Variants in ANO3 observed in about 807,000 individuals in gnomAD.
ANO3 encodes the protein anoctamin 3.
ANO3 carries 99 observed loss-of-function variants against 144.8 expected under a neutral mutation model. That is an observed-to-expected ratio of 0.68 (90% CI 0.58 to 0.81). The LOEUF is 0.81. Among genes scored for constraint, ANO3 ranks in the 30% least tolerant of loss-of-function variants. ANO3 has a pLI of 0.00. For synonymous variants in ANO3, 414 were observed against 392.6 expected, an observed-to-expected ratio of 1.05 and a Z score of -0.64; for missense variants, 905 against 1,202.2, an observed-to-expected ratio of 0.75 and a Z score of 3.66.
chr11:26,456,312 C>T (rs1284754478), intron 3 of ANO3, among the ~76,000 whole-genome samples: 2 of 152,092 alleles, frequency 1.3e-5, no homozygotes, highest in East Asian at 1.9e-4. Flanking sequence ...ACAAAATTTT[C>T]ACAACCTCCT....
chr11:26,577,540 G>T (rs1457347074), intron 14 of ANO3, among the ~76,000 whole-genome samples: 1 of 145,700 alleles, frequency 6.9e-6, no homozygotes, highest in South Asian at 2.3e-4. Context: ...CTCCAGCCTG[G>T]GCAACAAGAG....
At chr11:26,268,430 G>A (rs1408436885) in intron 1 of ANO3, among the ~76,000 whole-genome samples, 1 of 152,046 alleles carries the variant, frequency 6.6e-6, no homozygotes, top group Non-Finnish European at 1.5e-5. Context: ...ACAGCCCCTC[G>A]GGGGTTTGAT....
At chr11:26,233,089 C>T (rs369818792) in intron 1 of ANO3, among the ~76,000 whole-genome samples, 76 of 151,894 alleles carry the variant, frequency 5.0e-4, no homozygotes, top group Admixed American at 1.6e-3. Flanking sequence ...TGGTGGCGGG[C>T]GCCTGTAGTC....
chr11:26,501,180 T>C (rs1220559418), intron 4 of ANO3, among the ~76,000 whole-genome samples: 1 of 152,070 alleles, frequency 6.6e-6, no homozygotes, highest in African/African-American at 2.4e-5. Context: ...GCCACCCAAA[T>C]TATGGAGGAG....
At position 26,563,395 on chromosome 11, in the gene ANO3, C is replaced by CTCTG. The variant is rs371195680; in HGVS notation, c.1447+3617_1447+3618insCTGT. 3.4e-3 allele frequency: 1,824 copies of CTCTG among 539,892 alleles called. 5 individuals are homozygous for CTCTG. The highest frequency in any genetic ancestry group is 4.9e-3 in the East Asian group (138 of 27,888). 33.4% of individuals were successfully genotyped at this position (539,892 alleles called of 1,614,324 possible). A position where few individuals can be genotyped will look rare whatever the true frequency, so the allele number is the denominator to read the frequency against. On this transcript the variant is annotated intron_variant, in intron 14 of 26. Transcript: ENST00000256737. ...ATTAGATAATGGTGTGTTTCTCTCT[C>CTCTG]TGTGTGTGTGTGTGTGTGTGTGTGT... is the stretch of plus-strand genomic sequence containing the variant.
intron 1 of ANO3, among the ~76,000 whole-genome samples, chr11:26,434,893 T>C (rs760382271): frequency 6.6e-6 from 1 of 152,118 alleles, no homozygotes. Flanking sequence ...AGAATGTACA[T>C]TCTGTTGTTT....
At chr11:26,632,476 A>G (rs1034025603) in intron 18 of ANO3, among the ~76,000 whole-genome samples, 2 of 149,204 alleles carry the variant, frequency 1.3e-5, no homozygotes, top group African/African-American at 4.9e-5. Context: ...AGATTGTGCC[A>G]TTGTAGTCCA....
chr11:26,293,200 T>G (rs1854000024), intron 1 of ANO3, among the ~76,000 whole-genome samples: 1 of 152,178 alleles, frequency 6.6e-6, no homozygotes, highest in Non-Finnish European at 1.5e-5. Context: ...GATGAAAACA[T>G]TATTGTGAGT....
chr11:26,632,405 A>G (rs1852812361), intron 18 of ANO3, among the ~76,000 whole-genome samples: 2 of 150,694 alleles, frequency 1.3e-5, no homozygotes, highest in African/African-American at 4.9e-5. Context: ...AATCCCAGCT[A>G]CTCAGGAGGC....
At chr11:26,482,629 A>C (rs953926497) in intron 4 of ANO3, among the ~76,000 whole-genome samples, 1 of 152,150 alleles carries the variant, frequency 6.6e-6, no homozygotes, top group Non-Finnish European at 1.5e-5. Context: ...ATTTGTATAG[A>C]TTTAAGGGGT....
At chr11:26,639,775 A>G (rs978911323) in intron 21 of ANO3, among the ~76,000 whole-genome samples, 2 of 152,154 alleles carry the variant, frequency 1.3e-5, no homozygotes, top group Non-Finnish European at 2.9e-5. Context: ...ATTATTTTAG[A>G]TGTTTTAGCT....
chr11:26,589,040 T>C (rs938026284), intron 14 of ANO3, among the ~76,000 whole-genome samples: 2 of 152,166 alleles, frequency 1.3e-5, no homozygotes, highest in Non-Finnish European at 2.9e-5. Context: ...ATGGTAGTCC[T>C]GGGGAAAAAA....
At chr11:26,491,585 C>A (rs1860710693) in intron 4 of ANO3, among the ~76,000 whole-genome samples, 1 of 152,134 alleles carries the variant, frequency 6.6e-6, no homozygotes, top group Admixed American at 6.5e-5. Context: ...GGCTTCATAC[C>A]AGGAGGCCAC....
intron 6 of ANO3, among the ~76,000 whole-genome samples, chr11:26,518,519 C>A (rs1387435711): frequency 6.6e-6 from 1 of 151,816 alleles, no homozygotes; most frequent in Non-Finnish European, 1.5e-5. Flanking sequence ...TTCTGAAATT[C>A]AATTTGAAAA....
At chr11:26,325,776 C>G (rs1243107673) in intron 1 of ANO3, among the ~76,000 whole-genome samples, 1 of 152,080 alleles carries the variant, frequency 6.6e-6, no homozygotes, top group Admixed American at 6.6e-5. Flanking sequence ...AGGAATAACC[C>G]CTGGTCAAAC....
intron 10 of ANO3, 79 bp from the exon 11 acceptor site, chr11:26,541,868 C>A (rs1849653575): frequency 7.5e-7 from 1 of 1,329,208 alleles, no homozygotes; most frequent in Non-Finnish European, 1.0e-6. Context: ...AATTATTCTG[C>A]AAGGGAAAAT....
chr11:26,452,228 A>C (rs1858971877), intron 3 of ANO3, among the ~76,000 whole-genome samples: 1 of 152,272 alleles, frequency 6.6e-6, no homozygotes, highest in Admixed American at 6.5e-5. Context: ...ACAAAGCTGG[A>C]CGGAGAATGA....
At chr11:26,401,265 A>G (rs916262051) in intron 1 of ANO3, among the ~76,000 whole-genome samples, 3 of 151,970 alleles carry the variant, frequency 2.0e-5, no homozygotes, top group African/African-American at 7.2e-5. Context: ...CTGTTCTCTA[A>G]AAGAATTCCC....
chr11:26,438,858 A>G (rs1858405781), intron 1 of ANO3, among the ~76,000 whole-genome samples: 1 of 152,138 alleles, frequency 6.6e-6, no homozygotes, highest in African/African-American at 2.4e-5. Flanking sequence ...ATAGAAATAC[A>G]AAAGACTAAG....
Sources: gnomAD v4.1 joint callset for allele counts (sites outside exome capture counted in the v4.1 genomes callset) on GRCh38, gnomAD v4.1.1 for gene constraint, MANE v1.5 for transcripts, NCBI Gene and HGNC (gene_info 2026-07-23, HGNC 2026-07-21) for gene names.